XYLT1: variants seen among roughly 807,000 people sequenced by gnomAD.
The protein encoded by XYLT1 is beta-D-xylosyltransferase 1.
XYLT1 carries 36 observed loss-of-function variants against 91.3 expected under a neutral mutation model. That is an observed-to-expected ratio of 0.39 (90% CI 0.30 to 0.52). The LOEUF (loss-of-function observed/expected upper bound fraction) is 0.52. Ranked by LOEUF, XYLT1 falls within the 20% of genes least tolerant of loss-of-function variation. The probability of loss-of-function intolerance (pLI) is 0.68; values close to 1 mark genes in which losing one functional copy is unlikely to be tolerated. For synonymous variants in XYLT1, 588 were observed against 532.0 expected (o/e 1.11, Z -1.45); for missense variants, 1,242 against 1,284.5 (o/e 0.97, Z 0.51).
intron 3 of XYLT1, among the ~76,000 whole-genome samples, chr16:17,206,587 A>C (rs894863047): frequency 1.3e-5 from 2 of 152,080 alleles, no homozygotes; most frequent in African/African-American, 4.8e-5. Flanking sequence ...GCTTGCGTCA[A>C]ATACTTCTCA....
chr16:17,382,016 C>A (rs1235554739), intron 1 of XYLT1, among the ~76,000 whole-genome samples: 1 of 151,842 alleles, frequency 6.6e-6, no homozygotes, highest in Non-Finnish European at 1.5e-5. Context: ...GGCCACCTTC[C>A]AGAATTGGGA....
intron 2 of XYLT1, among the ~76,000 whole-genome samples, chr16:17,321,219 C>T (rs769531284): frequency 1.4e-4 from 22 of 151,898 alleles, no homozygotes; most frequent in Non-Finnish European, 3.1e-4. Flanking sequence ...AATTGAAAAC[C>T]ACTATAAACG....
intron 5 of XYLT1, among the ~76,000 whole-genome samples, chr16:17,185,042 C>A (rs1341834951): frequency 2.0e-5 from 3 of 152,216 alleles, no homozygotes; most frequent in African/African-American, 7.2e-5. Context: ...TTCTGCAGAA[C>A]CTTGGTTTTC....
chr16:17,129,545 T>G (rs978825581), intron 9 of XYLT1, among the ~76,000 whole-genome samples: 2 of 152,108 alleles, frequency 1.3e-5, no homozygotes, highest in African/African-American at 4.8e-5. Context: ...GGATTACAGG[T>G]GTCAGCCACT....
intron 3 of XYLT1, among the ~76,000 whole-genome samples, chr16:17,201,689 G>A (rs917984056): frequency 6.6e-6 from 1 of 152,008 alleles, no homozygotes; most frequent in African/African-American, 2.4e-5. Context: ...TGGCCAGGCT[G>A]GTCTCGGAAC....
At chr16:17,114,255 C>A (rs1021225077) in intron 11 of XYLT1, among the ~76,000 whole-genome samples, 1 of 152,194 alleles carries the variant, frequency 6.6e-6, no homozygotes, top group Non-Finnish European at 1.5e-5. Context: ...GTGAGCTGCT[C>A]TAGCAGAGTA....
intron 1 of XYLT1, among the ~76,000 whole-genome samples, chr16:17,413,353 T>G (rs2036137035): frequency 6.6e-6 from 1 of 152,166 alleles, no homozygotes; most frequent in Non-Finnish European, 1.5e-5. Flanking sequence ...GTGTTCTGTG[T>G]GTTTTCATAG....
intron 9 of XYLT1, among the ~76,000 whole-genome samples, chr16:17,133,697 G>A (rs1413413280): frequency 2.0e-5 from 3 of 152,180 alleles, no homozygotes; most frequent in East Asian, 1.9e-4. Context: ...GGTACACAAC[G>A]TGAAAGTCTT....
At position 17,350,459 on chromosome 16, in the gene XYLT1, T is replaced by C. The variant is rs1029359693; in HGVS notation, c.402+7553A>G. On this transcript the variant is annotated intron_variant, in intron 2 of 11. Coordinates refer to ENST00000261381, the MANE Select transcript of XYLT1 (RefSeq NM_022166.4). ...GCTCCAAGTCCAGACTCCCTGTCCA[T>C]TGAGCCAAGTCTCTGCCCAGGCAGT... is the stretch of plus-strand genomic sequence containing the variant. Among the ~76,000 whole-genome samples, 9 of 152,212 alleles carry C rather than the reference T, an allele frequency of 5.9e-5. No individual in the cohort carries two copies. In the South Asian group the frequency reaches 6.2e-4, roughly 11 times the overall value.
chr16:17,292,448 T>A (rs2034244555), intron 2 of XYLT1, among the ~76,000 whole-genome samples: 1 of 152,230 alleles, frequency 6.6e-6, no homozygotes, highest in Non-Finnish European at 1.5e-5. Flanking sequence ...TTCTCACATA[T>A]CAGTTCCATC....
intron 2 of XYLT1, among the ~76,000 whole-genome samples, chr16:17,322,068 G>T (rs2034732503): frequency 6.6e-6 from 1 of 152,130 alleles, no homozygotes. Flanking sequence ...CCAAACAATG[G>T]CTTACAACAG....
At chr16:17,421,666 G>A (rs1014719737) in intron 1 of XYLT1, among the ~76,000 whole-genome samples, 7 of 152,144 alleles carry the variant, frequency 4.6e-5, no homozygotes, top group East Asian at 1.9e-4. Context: ...ACAGACGGAC[G>A]ATAAAGTCTT....
intron 3 of XYLT1, among the ~76,000 whole-genome samples, chr16:17,206,419 G>C (rs1374577525): frequency 1.3e-5 from 2 of 152,054 alleles, no homozygotes; most frequent in Non-Finnish European, 2.9e-5. Context: ...GTGCTGTGTG[G>C]CGACAAGCAT....
chr16:17,192,244 G>A (rs557562149), intron 5 of XYLT1, among the ~76,000 whole-genome samples: 25 of 151,880 alleles, frequency 1.6e-4, no homozygotes, highest in South Asian at 8.3e-4. Context: ...GATTACAGGC[G>A]CCCGCCACCA....
At chr16:17,250,578 A>T (rs1176391878) in intron 3 of XYLT1, 8 of 152,254 alleles carry the variant, frequency 5.3e-5, no homozygotes, top group Non-Finnish European at 1.0e-4. Context: ...CCTGTCCTGG[A>T]GCACAGCCTT....
chr16:17,427,883 C>A (rs769930606), intron 1 of XYLT1, among the ~76,000 whole-genome samples: 10 of 151,950 alleles, frequency 6.6e-5, no homozygotes, highest in Non-Finnish European at 1.2e-4. Flanking sequence ...CTCAGCCACA[C>A]TCTGGGAAAC....
chr16:17,409,587 T>A (rs998164477), intron 1 of XYLT1, among the ~76,000 whole-genome samples: 4 of 149,744 alleles, frequency 2.7e-5, no homozygotes, highest in Non-Finnish European at 5.9e-5. Flanking sequence ...TCTCACTCTG[T>A]TGCCAAGGCT....
intron 1 of XYLT1, among the ~76,000 whole-genome samples, chr16:17,419,316 T>C (rs1185919734): frequency 6.6e-6 from 1 of 152,062 alleles, no homozygotes; most frequent in African/African-American, 2.4e-5. Flanking sequence ...CGCTCCAGCC[T>C]GGGCGACAGA....
chr16:17,129,378 CAGCCTCCT>C (rs2030387032), intron 9 of XYLT1, among the ~76,000 whole-genome samples: 2 of 152,188 alleles, frequency 1.3e-5, no homozygotes, highest in Non-Finnish European at 2.9e-5. Context: ...TCTCCTGACT[CAGCCTCCT>C]GAGTAGCTGG....
Sources: allele counts gnomAD v4.1 joint callset (sites outside exome capture counted in the v4.1 genomes callset), GRCh38; gene constraint gnomAD v4.1.1; transcripts MANE v1.5; gene names NCBI Gene and HGNC (gene_info 2026-07-23, HGNC 2026-07-21).